The following DCC variants were observed in gnomAD, a reference collection of about 807,000 sequenced individuals.
DCC encodes the protein DCC netrin 1 receptor, also known as netrin receptor DCC.
DCC carries 58 observed loss-of-function variants against 172.5 expected under a neutral mutation model. That is an observed-to-expected ratio of 0.34 (90% confidence interval 0.27 to 0.42). The LOEUF (loss-of-function observed/expected upper bound fraction) is 0.42, where lower values mean the gene tolerates loss of function less well. Among genes scored for constraint, DCC ranks in the 10% least tolerant of loss-of-function variants. The pLI is 1.00. For missense variants in DCC, 1,740 were observed against 1,791.0 expected, an observed-to-expected ratio of 0.97 and a Z score of 0.51; for synonymous variants, 709 against 644.5, an observed-to-expected ratio of 1.10 and a Z score of -1.52.
intron 17 of DCC, among the ~76,000 whole-genome samples, chr18:53,393,958 T>C (rs1174086816): frequency 6.6e-6 from 1 of 150,882 alleles, no homozygotes; most frequent in African/African-American, 2.4e-5. Context: ...TACCCTGATA[T>C]GAGGAGGGTT....
At chr18:52,996,269 A>G (rs2041476324) in intron 5 of DCC, among the ~76,000 whole-genome samples, 1 of 151,910 alleles carries the variant, frequency 6.6e-6, no homozygotes, top group African/African-American at 2.4e-5. Context: ...TTCTCTAATT[A>G]TATTCTAATT....
At chr18:53,312,980 GAGGA>G (rs2057295848) in intron 13 of DCC, among the ~76,000 whole-genome samples, 1 of 136,780 alleles carries the variant, frequency 7.3e-6, no homozygotes, top group African/African-American at 2.8e-5. Flanking sequence ...GAGAGGAAGG[GAGGA>G]GGGAGGGAGG....
intron 28 of DCC, 112 bp from the exon 29 acceptor site, chr18:53,530,452 T>C (rs746445590): frequency 1.3e-6 from 1 of 763,144 alleles, no homozygotes; most frequent in Non-Finnish European, 2.4e-6. Flanking sequence ...GGCTGTGGTC[T>C]CCTAGGTCAG....
chr18:53,069,003 G>C (rs2042615079), intron 7 of DCC, among the ~76,000 whole-genome samples: 10 of 152,098 alleles, frequency 6.6e-5, no homozygotes, highest in Admixed American at 6.6e-4. Context: ...CTCTGGCAGT[G>C]CTGAGACAAC....
chr18:53,320,982 G>C (rs952002478), intron 13 of DCC, among the ~76,000 whole-genome samples: 5 of 152,002 alleles, frequency 3.3e-5, no homozygotes, highest in African/African-American at 9.7e-5. Context: ...TCTATTGAAG[G>C]CAACTGTTTG....
At chr18:52,921,728 T>C (rs1222822535) in intron 3 of DCC, among the ~76,000 whole-genome samples, 2 of 103,016 alleles carry the variant, frequency 1.9e-5, no homozygotes, top group African/African-American at 3.3e-5. Flanking sequence ...AATAATAATA[T>C]ATATAAATGA....
chr18:52,748,186 G>T (rs1291376177), intron 1 of DCC, among the ~76,000 whole-genome samples: 1 of 152,212 alleles, frequency 6.6e-6, no homozygotes, highest in Non-Finnish European at 1.5e-5. Flanking sequence ...TTAGGTGCCG[G>T]CACAGGCGCT....
intron 25 of DCC, among the ~76,000 whole-genome samples, chr18:53,478,006 A>G (rs1269583861): frequency 2.0e-5 from 3 of 152,278 alleles, no homozygotes; most frequent in Non-Finnish European, 4.4e-5. Flanking sequence ...AAGTCAGAAC[A>G]GAGACTGGAA....
chr18:53,438,169 C>T (rs571773590), intron 22 of DCC, among the ~76,000 whole-genome samples: 57 of 152,174 alleles, frequency 3.7e-4, no homozygotes, highest in Non-Finnish European at 5.4e-4. Context: ...AAATTCATTC[C>T]CAGTCAAGGG....
intron 27 of DCC, among the ~76,000 whole-genome samples, chr18:53,514,571 AAG>A (rs1036395905): frequency 7.2e-5 from 11 of 152,154 alleles, no homozygotes; most frequent in African/African-American, 2.2e-4. Context: ...TAAAGAAAAA[AAG>A]AGAGAAGAAT....
At chr18:52,906,438 A>G (rs1445339769) in intron 3 of DCC, 110 bp downstream of exon 3, 2 of 1,139,698 alleles carry the variant, frequency 1.8e-6, no homozygotes, top group African/African-American at 1.6e-5. Context: ...TGTATTGTTC[A>G]TTGCGTTTTG....
intron 1 of DCC, among the ~76,000 whole-genome samples, chr18:52,743,216 ACTT>A (rs1255198375): frequency 3.9e-5 from 6 of 152,156 alleles, no homozygotes; most frequent in African/African-American, 2.4e-5. Context: ...TCACAAGAGC[ACTT>A]CTTAGTGTTT....
chr18:52,466,946 A>G (rs183283964), intron 1 of DCC, among the ~76,000 whole-genome samples: 1 of 152,264 alleles, frequency 6.6e-6, no homozygotes, highest in Admixed American at 6.5e-5. Context: ...CAGGTTGTCA[A>G]TGGCAGAACC....
chr18:52,803,936 G>C (rs1308406806), intron 2 of DCC, among the ~76,000 whole-genome samples: 1 of 152,098 alleles, frequency 6.6e-6, no homozygotes, highest in Non-Finnish European at 1.5e-5. Flanking sequence ...ATGACGTTTT[G>C]CTGGGGATGC....
chr18:52,731,596 C>T (rs2036643618), intron 1 of DCC, among the ~76,000 whole-genome samples: 2 of 152,120 alleles, frequency 1.3e-5, no homozygotes, highest in Non-Finnish European at 2.9e-5. Context: ...TAGAACCATA[C>T]TATATTAATA....
intron 15 of DCC, among the ~76,000 whole-genome samples, chr18:53,364,132 G>A (rs1044559108): frequency 4.6e-5 from 7 of 152,066 alleles, no homozygotes; most frequent in East Asian, 3.9e-4. Flanking sequence ...AGAAAGAGCC[G>A]TACACTTGGA....
At chr18:53,213,197 C>T (rs1157947210) in intron 11 of DCC, among the ~76,000 whole-genome samples, 1 of 152,142 alleles carries the variant, frequency 6.6e-6, no homozygotes, top group East Asian at 1.9e-4. Context: ...CCTTCTCTTT[C>T]TTCCAAAATT....
chr18:53,216,009 A>G (rs1459860791), intron 12 of DCC, among the ~76,000 whole-genome samples: 1 of 152,150 alleles, frequency 6.6e-6, no homozygotes, highest in Non-Finnish European at 1.5e-5. Flanking sequence ...AGAATTGAAT[A>G]TTTCGTCATC....
chr18:52,417,502 G>T (rs1397104663), intron 1 of DCC, among the ~76,000 whole-genome samples: 1 of 152,092 alleles, frequency 6.6e-6, no homozygotes, highest in Non-Finnish European at 1.5e-5. Context: ...GTCACTTTCA[G>T]GTGCACCAAT....
Sources: gnomAD v4.1 joint callset for allele counts (sites outside exome capture counted in the v4.1 genomes callset) on GRCh38, gnomAD v4.1.1 for gene constraint, MANE v1.5 for transcripts, NCBI Gene and HGNC (gene_info 2026-07-23, HGNC 2026-07-21) for gene names.